Variants in SRBD1 observed in about 807,000 individuals in gnomAD.
SRBD1 encodes the protein S1 RNA-binding domain-containing protein 1.
SRBD1 carries 88 observed loss-of-function variants against 115.3 expected under a neutral mutation model. The observed-to-expected ratio is 0.76, with a 90% CI of 0.64 to 0.91. The LOEUF (loss-of-function observed/expected upper bound fraction) is 0.91, where lower values mean the gene tolerates loss of function less well. Among genes scored for constraint, SRBD1 ranks in the 40% least tolerant of loss-of-function variants. The pLI is 0.00. For synonymous variants in SRBD1, 509 were observed against 407.7 expected (o/e 1.25, Z -2.99); for missense variants, 1,385 against 1,177.4 (o/e 1.18, Z -2.58).
At position 45,388,813 on chromosome 2, in the gene SRBD1, G is replaced by C. The variant is rs1666916291; in HGVS notation, c.*497C>G. 6.5e-6 allele frequency: 1 copy of C among 153,718 alleles called. No homozygotes were observed. Among genetic ancestry groups the C allele is most frequent in the South Asian group, 2.0e-4 (1 of 4,942 alleles). The allele number at this position is 153,718 out of a possible 1,614,324, so 9.5% of individuals were successfully genotyped here. A position where few individuals can be genotyped will look rare whatever the true frequency, so the allele number is the denominator to read the frequency against. ...TATATTTTTGGCTTGCATGACAAGG[G>C]AAAAGAGATTATTGCAAAATTATGA... On this transcript the variant is annotated 3_prime_UTR_variant, in exon 21 of 21. Coordinates refer to ENST00000263736, the MANE Select transcript of SRBD1 (RefSeq NM_018079.5).
At chr2:45,560,205 T>C (rs543952641) in intron 10 of SRBD1, among the ~76,000 whole-genome samples, 6 of 152,280 alleles carry the variant, frequency 3.9e-5, no homozygotes, top group Admixed American at 2.6e-4. Context: ...AATTTTTCAA[T>C]TGGAGAACTA....
At chr2:45,607,021 T>C (rs138909018) in intron 1 of SRBD1, among the ~76,000 whole-genome samples, 3 of 152,292 alleles carry the variant, frequency 2.0e-5, no homozygotes, top group East Asian at 1.9e-4. Flanking sequence ...TACACAATGA[T>C]TGGGCAAAAT....
intron 1 of SRBD1, among the ~76,000 whole-genome samples, chr2:45,610,077 T>C (rs910389281): frequency 6.6e-6 from 1 of 152,218 alleles, no homozygotes; most frequent in African/African-American, 2.4e-5. Context: ...CACATAAGAA[T>C]ATTCCTATTC....
chr2:45,600,818 C>G (rs1203599580), intron 3 of SRBD1, among the ~76,000 whole-genome samples: 1 of 152,184 alleles, frequency 6.6e-6, no homozygotes, highest in Admixed American at 6.5e-5. Context: ...AATTCCCAAA[C>G]TAAATTTTAG....
chr2:45,436,426 G>C (rs951451791), intron 16 of SRBD1, among the ~76,000 whole-genome samples: 34 of 152,180 alleles, frequency 2.2e-4, no homozygotes, highest in Non-Finnish European at 1.2e-4. Flanking sequence ...GAAAAGAAAA[G>C]TTATATAAGA....
At chr2:45,403,674 A>G (rs1448010502) in intron 19 of SRBD1, among the ~76,000 whole-genome samples, 1 of 152,140 alleles carries the variant, frequency 6.6e-6, no homozygotes, top group East Asian at 1.9e-4. Context: ...GAAGGAGCTC[A>G]TGGCTTTACT....
chr2:45,470,376 T>C (rs1406969454), intron 16 of SRBD1, among the ~76,000 whole-genome samples: 3 of 152,142 alleles, frequency 2.0e-5, no homozygotes, highest in African/African-American at 7.2e-5. Flanking sequence ...TCCACAATAA[T>C]GAAGAATAAA....
At chr2:45,432,089 G>C (rs1668357522) in intron 16 of SRBD1, among the ~76,000 whole-genome samples, 2 of 151,748 alleles carry the variant, frequency 1.3e-5, no homozygotes, top group Non-Finnish European at 2.9e-5. Context: ...GAGTGCAACG[G>C]CACGATCTTG....
At chr2:45,582,985 C>T (rs772163055) in intron 5 of SRBD1, among the ~76,000 whole-genome samples, 15 of 152,048 alleles carry the variant, frequency 9.9e-5, no homozygotes, top group African/African-American at 2.4e-4. Context: ...AAACAACTAA[C>T]GACAAAAGGA....
chr2:45,577,250 C>A (rs1673207671), intron 7 of SRBD1, among the ~76,000 whole-genome samples: 1 of 152,186 alleles, frequency 6.6e-6, no homozygotes, highest in Non-Finnish European at 1.5e-5. Flanking sequence ...AAAGGAAAGT[C>A]TTCTGTGTTT....
intron 14 of SRBD1, among the ~76,000 whole-genome samples, chr2:45,542,424 C>T (rs571363793): frequency 6.6e-6 from 1 of 152,300 alleles, no homozygotes; most frequent in African/African-American, 2.4e-5. Context: ...GCAACTGCGC[C>T]CAGGAGCATG....
At chr2:45,509,736 T>C (rs1186959675) in intron 14 of SRBD1, among the ~76,000 whole-genome samples, 1 of 152,242 alleles carries the variant, frequency 6.6e-6, no homozygotes, top group Non-Finnish European at 1.5e-5. Context: ...TATTTTTCTT[T>C]TTCCTTTTTC....
intron 16 of SRBD1, among the ~76,000 whole-genome samples, chr2:45,440,723 G>T: frequency 6.6e-6 from 1 of 152,212 alleles, no homozygotes; most frequent in South Asian, 2.1e-4. Context: ...CCATAAGAAA[G>T]AATTTTTCCC....
intron 16 of SRBD1, among the ~76,000 whole-genome samples, chr2:45,424,424 A>G (rs891402150): frequency 6.6e-6 from 1 of 152,200 alleles, no homozygotes; most frequent in African/African-American, 2.4e-5. Context: ...CAAAATTTGA[A>G]AAAACGGCTC....
In SRBD1 at chr2:45,389,325, G is replaced by A. The variant is rs764591251; in HGVS notation, c.2973C>T (p.Leu991=). ...DIPRSRITLD[L]IRVL The stretch of plus-strand genomic sequence containing the variant: ...CGTGGGATACTCATAACACCCGAAT[G>A]AGGTCCAGAGTAATCCTAGATCGGG... The change falls in exon 21 of 21, where the codon CTC becomes CTT. Residue 991 remains leucine (L), a synonymous_variant. Coordinates refer to ENST00000263736, the MANE Select transcript of SRBD1 (RefSeq NM_018079.5). 4 of 1,613,310 alleles carry A rather than the reference G, an allele frequency of 2.5e-6. No homozygotes were observed. In the African/African-American group the frequency reaches 4.0e-5, roughly 16 times the overall value.
chr2:45,448,547 G>A (rs1458891204), intron 16 of SRBD1, among the ~76,000 whole-genome samples: 1 of 152,100 alleles, frequency 6.6e-6, no homozygotes, highest in Non-Finnish European at 1.5e-5. Flanking sequence ...AAATCACACA[G>A]GCACAAGAGA....
chr2:45,418,898 C>A (rs1295723145), intron 17 of SRBD1, among the ~76,000 whole-genome samples: 1 of 152,002 alleles, frequency 6.6e-6, no homozygotes, highest in Non-Finnish European at 1.5e-5. Flanking sequence ...TTTCAGCATA[C>A]ATACAAAGTG....
At chr2:45,560,670 G>A (rs1381076089) in intron 10 of SRBD1, among the ~76,000 whole-genome samples, 1 of 152,120 alleles carries the variant, frequency 6.6e-6, no homozygotes, top group Non-Finnish European at 1.5e-5. Context: ...TTTCCTCTAT[G>A]AAACTATCTT....
Position 45,503,044 on chromosome 2 carries a change from T to C in SRBD1, c.1875-14713A>G, listed in dbSNP as rs142483902. ...CTCTGAGAATCACGAGAATCACTGTTCTAAAGCCTCAAAAACTCAAAAGAA... is the reference window on the plus strand; with the variant it reads ...CTCTGAGAATCACGAGAATCACTGTCCTAAAGCCTCAAAAACTCAAAAGAA... On this transcript the variant is annotated intron_variant, in intron 14 of 20. Coordinates refer to ENST00000263736, the MANE Select transcript of SRBD1 (RefSeq NM_018079.5). Among the ~76,000 whole-genome samples, 6 of 152,238 alleles carry C rather than the reference T, an allele frequency of 3.9e-5. No individual in the cohort carries two copies. The East Asian group carries it at 9.6e-4, about 24-fold the overall frequency.
Sources: gnomAD v4.1 joint callset for allele counts (sites outside exome capture counted in the v4.1 genomes callset) on GRCh38, gnomAD v4.1.1 for gene constraint, MANE v1.5 for transcripts, NCBI Gene and HGNC (gene_info 2026-07-23, HGNC 2026-07-21) for gene names.